The following DOK6 variants were observed in gnomAD, a reference collection of about 807,000 sequenced individuals.
DOK6 encodes downstream of tyrosine kinase 6.
Under a neutral mutation model 44.0 loss-of-function variants are expected in DOK6, and 22 were observed. That is an observed-to-expected ratio of 0.50 (90% CI 0.36 to 0.71). DOK6 has a LOEUF of 0.71. Among genes scored for constraint, DOK6 ranks in the 30% least tolerant of loss-of-function variants. DOK6 has a pLI of 0.00. For synonymous variants in DOK6, 166 were observed against 145.5 expected (o/e 1.14, Z -1.01); for missense variants, 340 against 416.4 (o/e 0.82, Z 1.60).
At chr18:69,800,133 A>AT (rs1340551380) in intron 7 of DOK6, among the ~76,000 whole-genome samples, 3 of 151,754 alleles carry the variant, frequency 2.0e-5, no homozygotes, top group Non-Finnish European at 4.4e-5. Flanking sequence ...AGTTTGGCTT[A>AT]TTTTTTCTAT....
At chr18:69,523,358 A>C (rs892916591) in intron 1 of DOK6, among the ~76,000 whole-genome samples, 4 of 152,112 alleles carry the variant, frequency 2.6e-5, no homozygotes, top group Non-Finnish European at 4.4e-5. Flanking sequence ...ATTTATACTG[A>C]CATATTTTAA....
chr18:69,479,290 G>T (rs1370439545), intron 1 of DOK6, among the ~76,000 whole-genome samples: 1 of 152,024 alleles, frequency 6.6e-6, no homozygotes. Flanking sequence ...ATCAAGGAAG[G>T]GTTCTTAGGT....
intron 1 of DOK6, among the ~76,000 whole-genome samples, chr18:69,414,343 C>G (rs545495890): frequency 6.6e-6 from 1 of 152,144 alleles, no homozygotes; most frequent in African/African-American, 2.4e-5. Flanking sequence ...AGATGTCCAT[C>G]ATTAGGTGAA....
intron 1 of DOK6, among the ~76,000 whole-genome samples, chr18:69,515,816 G>A (rs138332657): frequency 1.6e-3 from 250 of 152,264 alleles, no homozygotes; most frequent in African/African-American, 5.6e-3. Flanking sequence ...ATACATACAT[G>A]TACACACAGT....
chr18:69,761,331 T>C (rs571456752), intron 7 of DOK6, among the ~76,000 whole-genome samples: 2 of 152,276 alleles, frequency 1.3e-5, no homozygotes, highest in East Asian at 3.9e-4. Context: ...TGGGGCCGGC[T>C]GCGACCAATT....
intron 1 of DOK6, among the ~76,000 whole-genome samples, chr18:69,516,703 G>A (rs1017101839): frequency 3.3e-5 from 5 of 150,374 alleles, no homozygotes; most frequent in African/African-American, 9.8e-5. Flanking sequence ...CTTTTGAGGC[G>A]GAGTCTCTGT....
intron 1 of DOK6, among the ~76,000 whole-genome samples, chr18:69,507,647 T>G (rs1302995016): frequency 6.6e-6 from 1 of 152,194 alleles, no homozygotes; most frequent in African/African-American, 2.4e-5. Context: ...TCTTTCATGG[T>G]GCTGTTGTAA....
chr18:69,708,157 G>A (rs1025824831), intron 5 of DOK6, among the ~76,000 whole-genome samples: 1 of 152,322 alleles, frequency 6.6e-6, no homozygotes, highest in Middle Eastern at 3.4e-3. Flanking sequence ...GCAGCAAGGA[G>A]TTGTTTTTTA....
rs542326446 is a variant in DOK6 at position 69,819,051 on chromosome 18, T to A, written c.857-22193T>A. ...TTTTTACTGTTATTATTTTTTGCTA[T>A]CAGAGAATGTTCACTTTTCATCTAG... On this transcript the variant is annotated intron_variant, in intron 7 of 7. Transcript: ENST00000382713. Among the ~76,000 whole-genome samples, 40 of 152,356 alleles carry A rather than the reference T, an allele frequency of 2.6e-4. No homozygotes were observed. The South Asian group carries it at 8.1e-3, about 31-fold the overall frequency.
At chr18:69,589,093 C>A (rs1202857154) in intron 2 of DOK6, among the ~76,000 whole-genome samples, 1 of 151,854 alleles carries the variant, frequency 6.6e-6, no homozygotes, top group East Asian at 1.9e-4. Flanking sequence ...TGGAAAAAAG[C>A]AATAGTAAAA....
chr18:69,581,933 G>T (rs138010898), intron 2 of DOK6, among the ~76,000 whole-genome samples: 1 of 152,198 alleles, frequency 6.6e-6, no homozygotes, highest in Non-Finnish European at 1.5e-5. Context: ...GAAATGCTAA[G>T]AAAAGGATAG....
At chr18:69,656,473 G>A (rs764839905) in intron 3 of DOK6, among the ~76,000 whole-genome samples, 7 of 152,150 alleles carry the variant, frequency 4.6e-5, no homozygotes, top group Non-Finnish European at 8.8e-5. Flanking sequence ...CCACCTCTCT[G>A]TGCCTCCATT....
intron 5 of DOK6, among the ~76,000 whole-genome samples, chr18:69,709,088 G>GTCCT (rs1986701106): frequency 6.6e-6 from 1 of 152,124 alleles, no homozygotes; most frequent in Admixed American, 6.6e-5. Flanking sequence ...TCACTGCTTT[G>GTCCT]TCCTTATTTA....
chr18:69,495,298 G>A (rs951345924), intron 1 of DOK6, among the ~76,000 whole-genome samples: 4 of 152,226 alleles, frequency 2.6e-5, no homozygotes, highest in Admixed American at 2.6e-4. Context: ...GCGAGCAAGG[G>A]GCATGTTTCA....
chr18:69,751,576 G>T (rs1979180653), intron 6 of DOK6, among the ~76,000 whole-genome samples: 1 of 152,154 alleles, frequency 6.6e-6, no homozygotes, highest in Non-Finnish European at 1.5e-5. Context: ...CTACATCAGT[G>T]TGTGCATCTT....
At chr18:69,506,269 T>C (rs1216689210) in intron 1 of DOK6, among the ~76,000 whole-genome samples, 1 of 152,174 alleles carries the variant, frequency 6.6e-6, no homozygotes, top group African/African-American at 2.4e-5. Context: ...TATGTTTACA[T>C]GCAGTATAAT....
intron 1 of DOK6, among the ~76,000 whole-genome samples, chr18:69,485,905 G>GTGTA (rs1555706139): frequency 6.6e-6 from 1 of 150,450 alleles, no homozygotes; most frequent in African/African-American, 2.4e-5. Flanking sequence ...GTGTGTGTGT[G>GTGTA]TATATGTATA....
At chr18:69,467,436 G>A (rs1348938400) in intron 1 of DOK6, among the ~76,000 whole-genome samples, 1 of 152,046 alleles carries the variant, frequency 6.6e-6, no homozygotes, top group African/African-American at 2.4e-5. Context: ...TTTTGAATCA[G>A]GAATATAGTC....
At chr18:69,539,577 C>T (rs1982214141) in intron 1 of DOK6, among the ~76,000 whole-genome samples, 1 of 151,104 alleles carries the variant, frequency 6.6e-6, no homozygotes, top group Non-Finnish European at 1.5e-5. Flanking sequence ...CCAGGAGATA[C>T]ATATGTATCC....
Sources: allele counts gnomAD v4.1 joint callset (sites outside exome capture counted in the v4.1 genomes callset), GRCh38; gene constraint gnomAD v4.1.1; transcripts MANE v1.5; gene names NCBI Gene and HGNC (gene_info 2026-07-23, HGNC 2026-07-21).